DMD: variants seen among roughly 807,000 people sequenced by gnomAD.
DMD encodes the protein mutant dystrophin.
A neutral mutation model predicts 330.1 loss-of-function variants in DMD; 63 were observed. The observed-to-expected ratio is 0.19, with a 90% CI of 0.16 to 0.24. The LOEUF is 0.24. DMD is among the 10% of genes least tolerant of loss of function. DMD has a pLI of 1.00. For synonymous variants in DMD, 1,223 were observed against 959.8 expected, an observed-to-expected ratio of 1.27 and a Z score of -5.07; for missense variants, 3,344 against 2,684.1, an observed-to-expected ratio of 1.25 and a Z score of -5.43.
chrX:32,581,520 C>A (rs1286106378), intron 13 of DMD, among the ~76,000 whole-genome samples: 1 of 111,866 alleles, frequency 8.9e-6, no homozygotes, highest in Non-Finnish European at 1.9e-5. Context: ...TATCTAAATA[C>A]ATCTGTAATT....
intron 1 of DMD, among the ~76,000 whole-genome samples, chrX:33,130,304 C>A (rs1478701810): frequency 2.7e-5 from 3 of 111,722 alleles, no homozygotes; most frequent in Non-Finnish European, 5.6e-5. Context: ...CACAATGCAC[C>A]TTCAAGGACA....
chrX:32,251,887 G>A (rs1468894706), intron 43 of DMD, among the ~76,000 whole-genome samples: 1 of 111,004 alleles, frequency 9.0e-6, no homozygotes, highest in Non-Finnish European at 1.9e-5. Flanking sequence ...AGGAAGCTGA[G>A]GTAGGAGGGT....
At chrX:32,274,796 T>C (rs985417823) in intron 43 of DMD, among the ~76,000 whole-genome samples, 2 of 112,248 alleles carry the variant, frequency 1.8e-5, no homozygotes, top group African/African-American at 6.5e-5. Context: ...TTTCAATAAG[T>C]CACAATAAGA....
intron 44 of DMD, among the ~76,000 whole-genome samples, chrX:32,134,791 T>G (rs1393052805): frequency 9.0e-6 from 1 of 111,633 alleles, no homozygotes; most frequent in Non-Finnish European, 1.9e-5. Context: ...AGGTATACTT[T>G]GAAGGCAAAA....
rs190392582 is a variant in DMD, at chrX:31,341,953, C to T, written c.9163+6603G>A. Among the ~76,000 whole-genome samples the T allele has an allele frequency of 8.2e-5, 9 of 110,008 alleles. No homozygotes were observed. The East Asian group carries it at 8.7e-4, about 11-fold the overall frequency. ...CACACATATCTAACAAATTAACCAC[C>T]GCCAAAACAACACTTAACCTTGCTT... On this transcript the variant is annotated intron_variant, in intron 61 of 78. Transcript: ENST00000357033.
At chrX:32,491,858 C>T (rs1287218022) in intron 19 of DMD, among the ~76,000 whole-genome samples, 2 of 111,849 alleles carry the variant, frequency 1.8e-5, no homozygotes, top group Non-Finnish European at 3.8e-5. Flanking sequence ...GAACAAGTAA[C>T]ATTTTGGATG....
At chrX:32,174,495 C>T (rs1179958749) in intron 44 of DMD, among the ~76,000 whole-genome samples, 1 of 112,096 alleles carries the variant, frequency 8.9e-6, no homozygotes, top group East Asian at 2.8e-4. Context: ...ATCACAATGA[C>T]ACATCTTCAT....
At chrX:33,193,402 G>A (rs966251108) in intron 1 of DMD, among the ~76,000 whole-genome samples, 1 of 112,415 alleles carries the variant, frequency 8.9e-6, no homozygotes, top group Non-Finnish European at 1.9e-5. Context: ...TGAAGCTAAT[G>A]TAATCATACC....
chrX:31,468,053 T>C (rs934488037), intron 59 of DMD, among the ~76,000 whole-genome samples: 1 of 111,907 alleles, frequency 8.9e-6, no homozygotes, highest in Non-Finnish European at 1.9e-5. Flanking sequence ...GATTCTTCTC[T>C]CTTTTCTTCT....
chrX:31,385,640 G>A, intron 60 of DMD, among the ~76,000 whole-genome samples: 1 of 112,313 alleles, frequency 8.9e-6, no homozygotes, highest in African/African-American at 3.2e-5. Context: ...TATATTAAGA[G>A]ATGATGTTCA....
At chrX:32,567,920 A>T (rs1239144472) in intron 15 of DMD, among the ~76,000 whole-genome samples, 1 of 110,652 alleles carries the variant, frequency 9.0e-6, no homozygotes, top group Non-Finnish European at 1.9e-5. Context: ...TCTAAAAATA[A>T]AAAAAAAATC....
At chrX:31,632,003 T>G (rs1489578406) in intron 54 of DMD, among the ~76,000 whole-genome samples, 1 of 111,627 alleles carries the variant, frequency 9.0e-6, no homozygotes, top group Non-Finnish European at 1.9e-5. Context: ...CAGAGACAAC[T>G]GCACATGAAG....
chrX:32,333,257 C>A (rs2097689770), intron 41 of DMD, among the ~76,000 whole-genome samples: 1 of 111,689 alleles, frequency 9.0e-6, no homozygotes, highest in South Asian at 3.7e-4. Context: ...TGCTTAAAGA[C>A]CAATCTTGAC....
chrX:32,748,596 T>A (rs1440431337), intron 7 of DMD, among the ~76,000 whole-genome samples: 1 of 111,580 alleles, frequency 9.0e-6, no homozygotes, highest in Non-Finnish European at 1.9e-5. Flanking sequence ...TTACATGTAT[T>A]ATTAAAGGGA....
At chrX:33,048,599 C>A (rs2094415353) in intron 1 of DMD, among the ~76,000 whole-genome samples, 1 of 101,804 alleles carries the variant, frequency 9.8e-6, no homozygotes, top group African/African-American at 3.7e-5. Context: ...AGGCTGAGGG[C>A]AGGAGAATCG....
chrX:33,286,023 G>A (rs2053426714), intron 1 of DMD, among the ~76,000 whole-genome samples: 1 of 111,809 alleles, frequency 8.9e-6, no homozygotes, highest in African/African-American at 3.2e-5. Flanking sequence ...GAGACTACTT[G>A]AGATACCAAA....
At chrX:32,866,395 A>G (rs1010273382) in intron 2 of DMD, among the ~76,000 whole-genome samples, 1 of 112,213 alleles carries the variant, frequency 8.9e-6, no homozygotes, top group African/African-American at 3.2e-5. Flanking sequence ...GTACATACAT[A>G]TGAATATTTG....
intron 63 of DMD, among the ~76,000 whole-genome samples, chrX:31,234,501 G>C (rs2047532787): frequency 8.9e-6 from 1 of 112,323 alleles, no homozygotes; most frequent in Non-Finnish European, 1.9e-5. Context: ...TGAGTCTCCT[G>C]ACTATATTTC....
intron 41 of DMD, among the ~76,000 whole-genome samples, chrX:32,341,368 T>C (rs989365770): frequency 1.8e-5 from 2 of 112,195 alleles, no homozygotes; most frequent in African/African-American, 3.2e-5. Flanking sequence ...CTATGGTTTA[T>C]ACCTACTACA....
Sources: gnomAD v4.1 joint callset for allele counts (sites outside exome capture counted in the v4.1 genomes callset) on GRCh38, gnomAD v4.1.1 for gene constraint, MANE v1.5 for transcripts, NCBI Gene and HGNC (gene_info 2026-07-23, HGNC 2026-07-21) for gene names.